CCDC73: variants seen among roughly 807,000 people sequenced by gnomAD.
CCDC73 encodes coiled-coil domain containing 73.
CCDC73 carries 95 observed loss-of-function variants against 116.5 expected under a neutral mutation model. The observed-to-expected ratio is 0.82, with a 90% CI of 0.69 to 0.97. The LOEUF (loss-of-function observed/expected upper bound fraction) is 0.97, where lower values mean the gene tolerates loss of function less well. CCDC73 is among the 50% of genes least tolerant of loss of function. The probability of loss-of-function intolerance (pLI) is 0.00; values close to 1 mark genes in which losing one functional copy is unlikely to be tolerated. For synonymous variants in CCDC73, 398 were observed against 401.3 expected (o/e 0.99, Z 0.10); for missense variants, 1,066 against 1,206.8 (o/e 0.88, Z 1.73).
chr11:32,803,938 C>A, the CCDC73 span, among the ~76,000 whole-genome samples: 1 of 152,026 alleles, frequency 6.6e-6, no homozygotes, highest in Non-Finnish European at 1.5e-5. Flanking sequence ...TCCTGAATAG[C>A]TGAGACTACA....
chr11:32,789,457 C>A (rs764877255), intron 1 of CCDC73, among the ~76,000 whole-genome samples: 1 of 152,054 alleles, frequency 6.6e-6, no homozygotes, highest in Non-Finnish European at 1.5e-5. Context: ...ATATTCAAAA[C>A]GTAGTGATTT....
At chr11:32,824,588 C>T in the CCDC73 span, among the ~76,000 whole-genome samples, 2 of 152,246 alleles carry the variant, frequency 1.3e-5, no homozygotes, top group Non-Finnish European at 2.9e-5. Context: ...CACTTAAAAA[C>T]CAGGAAGTCC....
chr11:32,717,654 T>A (rs1565083792), intron 3 of CCDC73, among the ~76,000 whole-genome samples: 1 of 152,158 alleles, frequency 6.6e-6, no homozygotes, highest in Non-Finnish European at 1.5e-5. Context: ...GAATACATTT[T>A]AAAATAGATG....
intron 14 of CCDC73, among the ~76,000 whole-genome samples, chr11:32,620,414 C>T (rs1037098617): frequency 2.6e-5 from 4 of 151,938 alleles, no homozygotes; most frequent in Middle Eastern, 6.8e-3. Context: ...CATTGTATCA[C>T]CTGGCTAACA....
At chr11:32,694,973 A>G (rs1207105893) in intron 6 of CCDC73, among the ~76,000 whole-genome samples, 1 of 152,236 alleles carries the variant, frequency 6.6e-6, no homozygotes, top group East Asian at 1.9e-4. Flanking sequence ...CTGTTGCCGT[A>G]AGTGACTTTC....
At chr11:32,722,882 A>G (rs759873610) in intron 2 of CCDC73, among the ~76,000 whole-genome samples, 1 of 152,174 alleles carries the variant, frequency 6.6e-6, no homozygotes, top group Non-Finnish European at 1.5e-5. Flanking sequence ...GCCATTTTAT[A>G]CATAAGGAAC....
intron 3 of CCDC73, among the ~76,000 whole-genome samples, chr11:32,706,507 T>G (rs1314226993): frequency 1.3e-5 from 2 of 152,220 alleles, no homozygotes; most frequent in East Asian, 3.8e-4. Flanking sequence ...AAGACACGTA[T>G]AAGTACTTAT....
intron 2 of CCDC73, among the ~76,000 whole-genome samples, chr11:32,759,379 G>A (rs2133376224): frequency 7.3e-6 from 1 of 136,114 alleles, no homozygotes; most frequent in Non-Finnish European, 1.5e-5. Context: ...CACCCAGGCT[G>A]TAGTGCAGTG....
chr11:32,828,624 C>A, the CCDC73 span, among the ~76,000 whole-genome samples: 1 of 152,108 alleles, frequency 6.6e-6, no homozygotes, highest in African/African-American at 2.4e-5. Context: ...TAAGCACGTT[C>A]TTTGGATAAA....
chr11:32,802,293 T>A, the CCDC73 span, among the ~76,000 whole-genome samples: 16 of 152,208 alleles, frequency 1.1e-4, no homozygotes, highest in African/African-American at 3.9e-4. Flanking sequence ...ACTAATATCA[T>A]GAAGGCATGA....
chr11:32,738,429 T>G (rs992874222), intron 2 of CCDC73, among the ~76,000 whole-genome samples: 24 of 152,358 alleles, frequency 1.6e-4, no homozygotes, highest in East Asian at 3.9e-4. Flanking sequence ...CATTGTAGTT[T>G]TGATTTGCAT....
chr11:32,619,991 G>A (rs550343615), intron 14 of CCDC73, among the ~76,000 whole-genome samples: 1 of 152,228 alleles, frequency 6.6e-6, no homozygotes, highest in South Asian at 2.1e-4. Context: ...AATCTCCAAG[G>A]GAGAGGCAAA....
intron 9 of CCDC73, among the ~76,000 whole-genome samples, chr11:32,656,047 A>G (rs796090362): frequency 7.9e-5 from 12 of 151,024 alleles, no homozygotes; most frequent in African/African-American, 2.9e-4. Flanking sequence ...TTTGCTTCTC[A>G]GGTAGGCAGT....
chr11:32,813,236 T>C, the CCDC73 span, among the ~76,000 whole-genome samples: 6 of 152,234 alleles, frequency 3.9e-5, no homozygotes, highest in African/African-American at 7.2e-5. Context: ...TTCTAGTGTC[T>C]TAAAAATTCC....
chr11:32,699,818 A>G (rs1849792848), intron 5 of CCDC73, among the ~76,000 whole-genome samples: 1 of 151,832 alleles, frequency 6.6e-6, no homozygotes, highest in Non-Finnish European at 1.5e-5. Context: ...AACATGGCAC[A>G]TGTATATATA....
At chr11:32,722,160 T>C (rs1849995595) in intron 2 of CCDC73, among the ~76,000 whole-genome samples, 1 of 152,228 alleles carries the variant, frequency 6.6e-6, no homozygotes. Context: ...ATTCTGCTCA[T>C]CTTTCCATTT....
At chr11:32,699,883 T>C (rs113638220) in intron 5 of CCDC73, among the ~76,000 whole-genome samples, 2 of 19,424 alleles carry the variant, frequency 1.0e-4, no homozygotes, top group Non-Finnish European at 3.6e-4. Context: ...TTAAAAAATA[T>C]ATATATATAT....
intron 1 of CCDC73, among the ~76,000 whole-genome samples, chr11:32,788,437 T>G (rs1850645987): frequency 6.6e-6 from 1 of 152,114 alleles, no homozygotes; most frequent in African/African-American, 2.4e-5. Context: ...ATCTTTCTGT[T>G]TAAGGAACTA....
chr11:32,786,492 AT>A (rs1850630485), intron 1 of CCDC73, among the ~76,000 whole-genome samples: 1 of 145,154 alleles, frequency 6.9e-6, no homozygotes, highest in Non-Finnish European at 1.5e-5. Context: ...ATTTATATTT[AT>A]AACATACTTG....
Sources: allele counts gnomAD v4.1 joint callset (sites outside exome capture counted in the v4.1 genomes callset), GRCh38; gene constraint gnomAD v4.1.1; transcripts MANE v1.5; gene names NCBI Gene and HGNC (gene_info 2026-07-23, HGNC 2026-07-21).